MRAP: variants seen among roughly 807,000 people sequenced by gnomAD.
The protein encoded by MRAP is melanocortin 2 receptor accessory protein.
A neutral mutation model predicts 8.7 loss-of-function variants in MRAP; 8 were observed. The observed-to-expected ratio is 0.92, with a 90% CI of 0.54 to 1.66. The LOEUF (loss-of-function observed/expected upper bound fraction) is 1.66, where lower values mean the gene tolerates loss of function less well. Among genes scored for constraint, MRAP ranks in the 40% most tolerant of loss-of-function variants. The pLI is 0.00. For synonymous variants in MRAP, 95 were observed against 95.5 expected, an observed-to-expected ratio of 1.00 and a Z score of 0.03; for missense variants, 237 against 217.1, an observed-to-expected ratio of 1.09 and a Z score of -0.58.
intron 1 of MRAP, among the ~76,000 whole-genome samples, chr21:32,299,959 G>C (rs542978508): frequency 6.6e-6 from 1 of 152,304 alleles, no homozygotes; most frequent in South Asian, 2.1e-4. Context: ...TGACAAATTA[G>C]ATGCGGAAGT....
At chr21:32,314,340 A>G, downstream of MRAP, 1 of 474,540 alleles carries the variant, frequency 2.1e-6, no homozygotes, top group Non-Finnish European at 3.9e-6. Flanking sequence ...GTGCGCTACC[A>G]TGCCTGGCTA....
At chr21:32,300,627 AGATG>A (rs2032246653) in intron 1 of MRAP, among the ~76,000 whole-genome samples, 1 of 43,246 alleles carries the variant, frequency 2.3e-5, no homozygotes, top group African/African-American at 7.8e-5. Context: ...GTCGTATGTC[AGATG>A]CGTCACACGT....
At chr21:32,310,052 A>G (rs2032519880) in intron 2 of MRAP, among the ~76,000 whole-genome samples, 1 of 152,158 alleles carries the variant, frequency 6.6e-6, no homozygotes, top group Non-Finnish European at 1.5e-5. Context: ...CTCTTCTGAG[A>G]TGACCTGCAG....
At chr21:32,314,500 A>T, downstream of MRAP, 3 of 1,536,760 alleles carry the variant, frequency 2.0e-6, no homozygotes, top group Non-Finnish European at 2.7e-6. Flanking sequence ...TAAACTTTAA[A>T]CATCTCTCTT....
rs1296423163 is a variant in MRAP, at chr21:32,311,754, T to C, written c.277T>C (p.Cys93Arg). 1 of 1,614,106 alleles carries C rather than the reference T, an allele frequency of 6.2e-7. No homozygotes were observed. Among genetic ancestry groups the C allele is most frequent in the Non-Finnish European group, 8.5e-7 (1 of 1,180,004 alleles). ...CAACCTCCACCTCTGCATCCAGAAGTGCCTGCCGTGCCACAGGGAACCCCT... is the reference window on the plus strand; with the variant it reads ...CAACCTCCACCTCTGCATCCAGAAGCGCCTGCCGTGCCACAGGGAACCCCT... Reference protein sequence around the residue: ...GLNLHLCIQKCLPCHREPLAT... With the variant: ...GLNLHLCIQKRLPCHREPLAT... The change falls in exon 3 of 3, where the codon TGC becomes CGC. Residue 93 changes from cysteine (C) to arginine (R), a missense_variant. Coordinates refer to ENST00000303645, the MANE Select transcript of MRAP (RefSeq NM_001379228.1).
At chr21:32,309,914 G>A (rs1484443585) in intron 2 of MRAP, among the ~76,000 whole-genome samples, 2 of 152,048 alleles carry the variant, frequency 1.3e-5, no homozygotes, top group African/African-American at 2.4e-5. Flanking sequence ...CTGAGGTCAG[G>A]AGCCACTGTG....
chr21:32,302,187 T>G (rs2032310865), intron 1 of MRAP, among the ~76,000 whole-genome samples: 1 of 152,210 alleles, frequency 6.6e-6, no homozygotes, highest in Non-Finnish European at 1.5e-5. Context: ...CTTTTGAGGA[T>G]GAATTTTCTT....
chr21:32,298,996 G>A lies in MRAP; in HGVS notation c.25G>A (p.Ala9Thr), dbSNP rs746389523. 1 of 1,614,126 alleles carries A rather than the reference G, an allele frequency of 6.2e-7. No homozygotes were observed. The highest frequency in any genetic ancestry group is 1.1e-5 in the South Asian group (1 of 91,088). ...CATGGCCAACGGGACCAACGCCTCT[G>A]CCCCATACTACAGCTATGAATACTA... The part of the protein sequence containing the change: MANGTNAS[A>T]PYYSYEYYLD... Residue 9 changes from alanine (A) to threonine (T), a missense_variant, in exon 1 of 3, where the codon GCC becomes ACC. Transcript: ENST00000303645.
intron 1 of MRAP, among the ~76,000 whole-genome samples, chr21:32,300,472 A>AG (rs1491404822): frequency 6.7e-6 from 1 of 148,512 alleles, no homozygotes; most frequent in Non-Finnish European, 1.5e-5. Flanking sequence ...GTCTTATGTC[A>AG]GGGGCGCCAT....
In MRAP at chr21:32,304,646, A is replaced by C. The variant is rs572227061; in HGVS notation, c.107-1994A>C. ...AAAAAACAAACAAAAAACAAAACAA[A>C]ACAAACAAACAAACAAAACAAACCA... On this transcript the variant is annotated intron_variant, in intron 1 of 2. Coordinates refer to ENST00000303645, the MANE Select transcript of MRAP (RefSeq NM_001379228.1). Among the ~76,000 whole-genome samples, 72 of 52,418 alleles carry C rather than the reference A, an allele frequency of 1.4e-3. 1 individual carries two copies. Among genetic ancestry groups the C allele is most frequent in the Admixed American group, 7.9e-3 (53 of 6,734 alleles). The allele number at this position is 52,418 out of a possible 152,430, so 34.4% of individuals were successfully genotyped here. A position where few individuals can be genotyped will look rare whatever the true frequency, so the allele number is the denominator to read the frequency against.
chr21:32,305,243 G>A (rs111483861), intron 1 of MRAP, among the ~76,000 whole-genome samples: 1,946 of 152,098 alleles, frequency 0.013, 23 homozygotes, highest in Middle Eastern at 0.048. Flanking sequence ...CAAAGTGTTG[G>A]GATTATAGGC....
intron 1 of MRAP, 50 bp downstream of exon 1, chr21:32,299,127 C>G (rs766187504): frequency 1.4e-6 from 2 of 1,451,354 alleles, no homozygotes; most frequent in Non-Finnish European, 1.9e-6. Context: ...GGGCCGGGGC[C>G]CAAATGACTG....
At chr21:32,294,337 G>C (rs191711158), upstream of MRAP, among the ~76,000 whole-genome samples, 7 of 152,114 alleles carry the variant, frequency 4.6e-5, no homozygotes, top group African/African-American at 1.2e-4. Context: ...GGATGGTCTC[G>C]ATCTCCTGAC....
chr21:32,305,473 C>T (rs766561089), intron 1 of MRAP, among the ~76,000 whole-genome samples: 3 of 152,164 alleles, frequency 2.0e-5, no homozygotes, highest in Admixed American at 6.5e-5. Context: ...GTGGTTTGCA[C>T]GTTCTCTCAT....
chr21:32,298,848 G>C, upstream of MRAP: 2 of 730,200 alleles, frequency 2.7e-6, no homozygotes, highest in Non-Finnish European at 4.9e-6. Context: ...CTTGAGCCTA[G>C]AGACCCACAG....
At chr21:32,293,985 C>A (rs1046905140), upstream of MRAP, among the ~76,000 whole-genome samples, 21 of 151,768 alleles carry the variant, frequency 1.4e-4, no homozygotes, top group Non-Finnish European at 2.9e-4. Context: ...ATAAATTCAA[C>A]TTAATAATCA....
rs755413938 is a variant in MRAP at position 32,306,648 on chromosome 21, G to A, written c.115G>A (p.Val39Met). 25 of 1,614,068 alleles carry A rather than the reference G, an allele frequency of 1.5e-5. 1 individual carries two copies. The East Asian group carries it at 2.9e-4, about 19-fold the overall frequency. Residue 39 changes from valine (V) to methionine (M), a missense_variant, in exon 2 of 3, where the codon GTG (valine) becomes ATG (methionine). Coordinates refer to ENST00000303645, the MANE Select transcript of MRAP (RefSeq NM_001379228.1). ...KKLKAHKHSI[V>M]IAFWVSLAAF... ...ATCTCCTCCTCCCGCAGATTCCATC[G>A]TGATCGCATTCTGGGTGAGCCTGGC...
upstream of MRAP, among the ~76,000 whole-genome samples, chr21:32,294,511 A>C (rs542060271): frequency 2.0e-5 from 3 of 152,098 alleles, no homozygotes; most frequent in South Asian, 6.2e-4. Flanking sequence ...TTCTTTATAA[A>C]GTATCTGTTC....
upstream of MRAP, among the ~76,000 whole-genome samples, chr21:32,296,873 G>A (rs112384489): frequency 3.9e-4 from 59 of 152,250 alleles, no homozygotes; most frequent in African/African-American, 9.6e-4. Flanking sequence ...GAGTGAATGC[G>A]AAGGCCTAGG....
Sources: gnomAD v4.1 joint callset for allele counts (sites outside exome capture counted in the v4.1 genomes callset) on GRCh38, gnomAD v4.1.1 for gene constraint, MANE v1.5 for transcripts, NCBI Gene and HGNC (gene_info 2026-07-23, HGNC 2026-07-21) for gene names.